ULBP3: variants seen among roughly 807,000 people sequenced by gnomAD.
The protein encoded by ULBP3 is UL16 binding protein 3, also known as UL16-binding protein 3.
A neutral mutation model predicts 24.9 loss-of-function variants in ULBP3; 25 were observed. The ratio of observed to expected loss-of-function variants is 1.00; its 90% CI spans 0.73 to 1.40. The LOEUF (loss-of-function observed/expected upper bound fraction) is 1.40. Ranked by LOEUF, ULBP3 falls within the 40% of genes most tolerant of loss-of-function variation. The pLI, the probability that ULBP3 is intolerant of heterozygous loss-of-function variation, is 0.00. For missense variants in ULBP3, 306 were observed against 307.5 expected, an observed-to-expected ratio of 1.00 and a Z score of 0.04; for synonymous variants, 114 against 114.7, an observed-to-expected ratio of 0.99 and a Z score of 0.04.
intron 4 of ULBP3, among the ~76,000 whole-genome samples, chr6:150,064,046 A>C (rs1433222061): frequency 6.6e-6 from 1 of 152,036 alleles, no homozygotes; most frequent in Non-Finnish European, 1.5e-5. Context: ...TTCCACCTTA[A>C]CTGCTGGGAC....
chr6:150,065,458 C>G lies in ULBP3; in HGVS notation c.568G>C (p.Asp190His), dbSNP rs1046585526. The change falls in exon 3 of 5, where the codon GAC becomes CAC. Residue 190 changes from aspartate to histidine, a missense_variant. By Grantham distance (81) the Asp-to-His change is moderately conservative. Coordinates refer to ENST00000367339, the MANE Select transcript of ULBP3 (RefSeq NM_024518.3). ...TTFFKMVSMR[D>H]CKSWLRDFLM... ...AAGTCCCTAAGCCAGCTCTTGCAGT[C>G]TCTCATTGAGACCATCTTGAAGAAG... 1 of 1,614,200 alleles carries G rather than the reference C, an allele frequency of 6.2e-7. No homozygotes were observed. Among genetic ancestry groups the G allele is most frequent in the Admixed American group, 1.7e-5 (1 of 60,026 alleles).
Position 150,064,601 on chromosome 6 carries a change from C to T in ULBP3, c.*6G>A, listed in dbSNP as rs1187565247. On this transcript the variant is annotated 3_prime_UTR_variant, in exon 4 of 5. Coordinates refer to ENST00000367339, the MANE Select transcript of ULBP3 (RefSeq NM_024518.3). Reference sequence around the variant, plus strand: ...CCACAGTACCTGTCACTCTAAATGACTCTTCTCAGATGCCAGGGAGGATGA... The same window carrying T: ...CCACAGTACCTGTCACTCTAAATGATTCTTCTCAGATGCCAGGGAGGATGA... 5 of 1,613,768 alleles carry T rather than the reference C, an allele frequency of 3.1e-6. No individual in the cohort carries two copies. The highest frequency in any genetic ancestry group is 4.2e-6 in the Non-Finnish European group (5 of 1,179,830).
At position 150,065,548 on chromosome 6, in the gene ULBP3, T is replaced by C; in HGVS notation, c.478A>G (p.Thr160Ala). 1.2e-6 allele frequency: 2 copies of C among 1,614,158 alleles called. No homozygotes were observed. The highest frequency in any genetic ancestry group is 1.7e-6 in the Non-Finnish European group (2 of 1,180,016). Residue 160 changes from threonine (T) to alanine (A), a missense_variant, in exon 3 of 5, where the codon ACA (threonine) becomes GCA (alanine). By Grantham distance (58) the Thr-to-Ala change is moderately conservative (BLOSUM62 0). Coordinates refer to ENST00000367339, the MANE Select transcript of ULBP3 (RefSeq NM_024518.3). ...CGCCTGGCTCCAGCGTGAACCACTG[T>C]CCACTTTCTGTTGTTTGAGTCAAAG... ...LLFDSNNRKWTVVHAGARRMK... is the reference protein window; with the variant it reads ...LLFDSNNRKWAVVHAGARRMK...
intron 1 of ULBP3, among the ~76,000 whole-genome samples, chr6:150,066,933 A>C (rs1582866518): frequency 6.6e-6 from 1 of 152,052 alleles, no homozygotes; most frequent in South Asian, 2.1e-4. Context: ...GGGGATGGAA[A>C]ATCCTGAAAT....
Position 150,065,409 on chromosome 6 carries a change from A to G in ULBP3, c.617T>C (p.Leu206Pro). The change falls in exon 3 of 5, where the codon CTG becomes CCG. Residue 206 changes from leucine to proline, a missense_variant. Coordinates refer to ENST00000367339, the MANE Select transcript of ULBP3 (RefSeq NM_024518.3). ...CCCCTGTCAGTTACCTGTGGGTTCC[A>G]GCCTCTTCTTCCTGTGCATCAGGAA... ...RDFLMHRKKR[L>P]EPTAPPTMAP... 6.2e-7 allele frequency: 1 copy of G among 1,614,082 alleles called. No homozygotes were observed. The highest frequency in any genetic ancestry group is 8.5e-7 in the Non-Finnish European group (1 of 1,179,944).
intron 3 of ULBP3, 23 bp downstream of exon 3, chr6:150,065,375 C>G (rs975176039): frequency 6.2e-7 from 1 of 1,611,940 alleles, no homozygotes; most frequent in Admixed American, 1.7e-5. Flanking sequence ...CCAACATGCT[C>G]CCAGTGCTCC....
At chr6:150,068,892 G>A in intron 1 of ULBP3, 87 bp downstream of exon 1, 1 of 1,379,460 alleles carries the variant, frequency 7.2e-7, no homozygotes, top group Non-Finnish European at 9.7e-7. Context: ...GGTCCTTCTA[G>A]AAGGCTTCCC....
At chr6:150,066,603 T>C (rs1776350687) in intron 1 of ULBP3, among the ~76,000 whole-genome samples, 1 of 152,150 alleles carries the variant, frequency 6.6e-6, no homozygotes, top group Non-Finnish European at 1.5e-5. Context: ...CAGCTGCTAG[T>C]AGGTTGCCCT....
chr6:150,063,449 TC>T, intron 4 of ULBP3, 98 bp from the exon 5 acceptor site: 1 of 610,104 alleles, frequency 1.6e-6, no homozygotes. Flanking sequence ...TCAGAGCTTC[TC>T]CCCCAGATAA....
At chr6:150,066,341 T>C (rs995126749) in intron 1 of ULBP3, among the ~76,000 whole-genome samples, 179 bp from the exon 2 acceptor site, 1 of 152,152 alleles carries the variant, frequency 6.6e-6, no homozygotes. Context: ...CTCCCCACTC[T>C]GCCCAGGCCT....
intron 1 of ULBP3, among the ~76,000 whole-genome samples, chr6:150,067,497 T>C (rs1195090367): frequency 1.3e-5 from 2 of 152,234 alleles, no homozygotes; most frequent in Admixed American, 6.5e-5. Flanking sequence ...AAGTAACAGA[T>C]GGACTTCTGT....
chr6:150,064,482 G>A lies in ULBP3; in HGVS notation c.*22+103C>T, dbSNP rs75931284. 4.5e-3 allele frequency: 4,715 copies of A among 1,046,988 alleles called. 124 individuals are homozygous for A. The African/African-American group carries it at 0.057, about 13-fold the overall frequency. 64.9% of individuals were successfully genotyped at this position (1,046,988 alleles called of 1,614,324 possible). On this transcript the variant is annotated intron_variant, in intron 4 of 4. Transcript: ENST00000367339. ...CACCTGTCTCATGTCAGAACGAGAA[G>A]GTCCCGGCCATGGGGAGAGGTGGGA...
At position 150,063,005 on chromosome 6, in the gene ULBP3, G is replaced by GGCAGGAGAAT. The variant is rs1214462816; in HGVS notation, c.*359_*368dup. Reference sequence around the variant, plus strand: ...TAGTCCCAGCTACTCGGGAGGCTGAGGCAGGAGAATGGCGTGAACCCGGGA... The same window carrying GGCAGGAGAAT: ...TAGTCCCAGCTACTCGGGAGGCTGAGGCAGGAGAATGCAGGAGAATGGCGTGAACCCGGGA... On this transcript the variant is annotated 3_prime_UTR_variant, in exon 5 of 5. Transcript: ENST00000367339. 2 of 150,838 alleles carry GGCAGGAGAAT rather than the reference G, an allele frequency of 1.3e-5. No individual in the cohort carries two copies. Among genetic ancestry groups the GGCAGGAGAAT allele is most frequent in the Admixed American group, 1.3e-4 (2 of 15,126 alleles). 9.3% of individuals were successfully genotyped at this position (150,838 alleles called of 1,614,324 possible).
rs778590282 is a variant in ULBP3 at position 150,065,639 on chromosome 6, C to A, written c.387G>T (p.Glu129Asp). The A allele has an allele frequency of 6.2e-7, 1 of 1,614,224 alleles. No individual in the cohort carries two copies. The highest frequency in any genetic ancestry group is 1.1e-5 in the South Asian group (1 of 91,088). ...PLTLQVRMSC[E>D]CEADGYIRGS... ...CACGGATGTATCCATCGGCTTCACACTCACAAGACATCCTGACCTGCAGCG... is the reference window on the plus strand; with the variant it reads ...CACGGATGTATCCATCGGCTTCACAATCACAAGACATCCTGACCTGCAGCG... The change falls in exon 3 of 5, where the codon GAG becomes GAT. Residue 129 changes from glutamate (E) to aspartate (D), a missense_variant. Coordinates refer to ENST00000367339, the MANE Select transcript of ULBP3 (RefSeq NM_024518.3).
intron 4 of ULBP3, among the ~76,000 whole-genome samples, chr6:150,064,020 C>T (rs957090156): frequency 2.6e-5 from 4 of 152,184 alleles, no homozygotes; most frequent in Non-Finnish European, 4.4e-5. Flanking sequence ...ATCCTGGACA[C>T]GCTCTACTCT....
chr6:150,068,904 C>T, intron 1 of ULBP3, 75 bp downstream of exon 1: 1 of 1,442,750 alleles, frequency 6.9e-7, no homozygotes, highest in Non-Finnish European at 9.3e-7. Context: ...AGGCTTCCCT[C>T]CTCTGAAACC....
At chr6:150,068,878 C>T in intron 1 of ULBP3, 101 bp downstream of exon 1, 2 of 1,256,964 alleles carry the variant, frequency 1.6e-6, no homozygotes, top group South Asian at 1.6e-5. Context: ...GGGGAGATCG[C>T]GCCGGTCCTT....
rs1776293427 is a variant in ULBP3 at position 150,063,059 on chromosome 6, GCCACTGCAGT to G, written c.*305_*314del. ...GGAGCTTGCAGTGAGCCGAGATTGC[GCCACTGCAGT>G]CCGCAGTCCGGCCTGGGCGACAGAG... is the stretch of plus-strand genomic sequence containing the variant. On this transcript the variant is annotated 3_prime_UTR_variant, in exon 5 of 5. Transcript: ENST00000367339. The G allele has an allele frequency of 7.1e-6, 1 of 141,198 alleles. No homozygotes were observed. Among genetic ancestry groups the G allele is most frequent in the Non-Finnish European group, 1.5e-5 (1 of 66,064 alleles). The allele number at this position is 141,198 out of a possible 1,614,324, so 8.7% of individuals were successfully genotyped here.
rs777224791 is a variant in ULBP3, at chr6:150,065,994, T to A, written c.257A>T (p.Asp86Val). ...GHLEEQLYAT[D>V]AWGKQLEMLR... ...CATTTCCAGTTGTTTTCCCCAGGCA[T>A]CTGTGGCATACAGCTGCTCTTCTAG... is the stretch of plus-strand genomic sequence containing the variant. The change falls in exon 2 of 5, where the codon GAT (aspartate) becomes GTT (valine). Residue 86 changes from aspartate (D) to valine (V), a missense_variant. Asp to Val is a radical substitution (Grantham distance 152, BLOSUM62 -3). Coordinates refer to ENST00000367339, the MANE Select transcript of ULBP3 (RefSeq NM_024518.3). 87 of 1,614,218 alleles carry A rather than the reference T, an allele frequency of 5.4e-5. No individual in the cohort carries two copies. In the Middle Eastern group the frequency reaches 1.3e-3, roughly 24 times the overall value.
Sources: gnomAD v4.1 joint callset for allele counts (sites outside exome capture counted in the v4.1 genomes callset) on GRCh38, gnomAD v4.1.1 for gene constraint, MANE v1.5 for transcripts, NCBI Gene and HGNC (gene_info 2026-07-23, HGNC 2026-07-21) for gene names.